CWC27: variants seen among roughly 807,000 people sequenced by gnomAD.
CWC27 encodes spliceosome-associated protein CWC27 homolog.
A neutral mutation model predicts 63.6 loss-of-function variants in CWC27; 47 were observed. The observed-to-expected ratio is 0.74, with a 90% confidence interval of 0.58 to 0.94. The LOEUF is 0.94. CWC27 is among the 40% of genes least tolerant of loss of function. CWC27 has a pLI of 0.00. For missense variants in CWC27, 495 were observed against 554.3 expected, an observed-to-expected ratio of 0.89 and a Z score of 1.07; for synonymous variants, 175 against 179.8, an observed-to-expected ratio of 0.97 and a Z score of 0.22.
intron 10 of CWC27, among the ~76,000 whole-genome samples, chr5:64,845,770 T>C (rs1745961195): frequency 6.6e-6 from 1 of 152,134 alleles, no homozygotes; most frequent in Non-Finnish European, 1.5e-5. Flanking sequence ...CTTTGCATAC[T>C]AGGATTTGCA....
At chr5:64,788,827 T>C in intron 6 of CWC27, 124 bp from the exon 7 acceptor site, 1 of 641,418 alleles carries the variant, frequency 1.6e-6, no homozygotes, top group Non-Finnish European at 2.7e-6. Context: ...ATATGGTCTT[T>C]TTTAGAACAG....
rs772707775 is a variant in CWC27, at chr5:64,774,682, T to C, written c.43-9T>C. 6.7e-7 allele frequency: 1 copy of C among 1,489,386 alleles called. No homozygotes were observed. Among genetic ancestry groups the C allele is most frequent in the South Asian group, 1.3e-5 (1 of 78,192 alleles). The allele number at this position is 1,489,386 out of a possible 1,614,324, so 92.3% of individuals were successfully genotyped here. On this transcript the variant is annotated splice_polypyrimidine_tract_variant and intron_variant, in intron 1 of 13. Coordinates refer to ENST00000381070, the MANE Select transcript of CWC27 (RefSeq NM_005869.4). ...AATAATTTAATAAAATGTAATATTC[T>C]TTCTACAGGTTTTATTGAAAACTAC...
At chr5:64,902,851 G>A (rs1420196059) in intron 11 of CWC27, among the ~76,000 whole-genome samples, 12 of 152,194 alleles carry the variant, frequency 7.9e-5, no homozygotes, top group Admixed American at 7.9e-4. Context: ...ACCCATGAGT[G>A]TGTTACATCT....
intron 10 of CWC27, among the ~76,000 whole-genome samples, chr5:64,815,739 C>T (rs2112236549): frequency 6.6e-6 from 1 of 152,114 alleles, no homozygotes; most frequent in African/African-American, 2.4e-5. Flanking sequence ...TCTAGAAGTA[C>T]AAAATTCTAA....
chr5:64,841,198 C>G (rs924114569), intron 10 of CWC27, among the ~76,000 whole-genome samples: 2 of 152,076 alleles, frequency 1.3e-5, no homozygotes, highest in Non-Finnish European at 2.9e-5. Context: ...GCTTTGTTAG[C>G]CCATGGTAGG....
chr5:64,885,336 T>C, intron 10 of CWC27, 107 bp from the exon 11 acceptor site: 2 of 666,850 alleles, frequency 3.0e-6, no homozygotes, highest in Non-Finnish European at 5.0e-6. Flanking sequence ...TGAATTACAT[T>C]ATTCACTTTA....
intron 13 of CWC27, among the ~76,000 whole-genome samples, chr5:65,013,128 A>T (rs1749991127): frequency 6.6e-6 from 1 of 152,238 alleles, no homozygotes; most frequent in East Asian, 1.9e-4. Flanking sequence ...GGATAAGAAC[A>T]TAAGGCATGT....
intron 11 of CWC27, among the ~76,000 whole-genome samples, chr5:64,935,930 G>A (rs1301996316): frequency 6.6e-6 from 1 of 152,170 alleles, no homozygotes; most frequent in Non-Finnish European, 1.5e-5. Context: ...TAATACTTGT[G>A]ATTTTTGCAC....
At chr5:64,834,269 C>G (rs1017267061) in intron 10 of CWC27, among the ~76,000 whole-genome samples, 1 of 151,592 alleles carries the variant, frequency 6.6e-6, no homozygotes, top group Non-Finnish European at 1.5e-5. Context: ...TAACTCTGCT[C>G]TTTTCTGATT....
At chr5:64,777,037 T>G (rs1007520265) in intron 2 of CWC27, among the ~76,000 whole-genome samples, 1 of 152,064 alleles carries the variant, frequency 6.6e-6, no homozygotes, top group Non-Finnish European at 1.5e-5. Flanking sequence ...TATAAAGGAA[T>G]GAAAGGGAAG....
chr5:64,917,310 G>A (rs1747909567), intron 11 of CWC27, among the ~76,000 whole-genome samples: 1 of 152,136 alleles, frequency 6.6e-6, no homozygotes. Context: ...AGAGCCTCTG[G>A]CATTAGTTGG....
intron 10 of CWC27, among the ~76,000 whole-genome samples, chr5:64,868,428 A>G (rs1466782586): frequency 6.6e-6 from 1 of 152,036 alleles, no homozygotes; most frequent in Non-Finnish European, 1.5e-5. Context: ...TTATCTCCTA[A>G]GTTTGTTTTC....
intron 11 of CWC27, among the ~76,000 whole-genome samples, chr5:64,910,848 A>G (rs1007274668): frequency 6.6e-6 from 1 of 152,218 alleles, no homozygotes; most frequent in Non-Finnish European, 1.5e-5. Context: ...TTTTCCAGGT[A>G]CAGTCTGTCA....
intron 7 of CWC27, among the ~76,000 whole-genome samples, chr5:64,792,017 C>G (rs1427092584): frequency 6.6e-6 from 1 of 151,922 alleles, no homozygotes; most frequent in Non-Finnish European, 1.5e-5. Context: ...TTCCCATCTC[C>G]CCTCTCTTCT....
intron 10 of CWC27, among the ~76,000 whole-genome samples, chr5:64,875,676 A>G (rs1243288250): frequency 6.6e-6 from 1 of 152,134 alleles, no homozygotes; most frequent in Non-Finnish European, 1.5e-5. Flanking sequence ...TGCATAGCAT[A>G]TATTTAATCT....
intron 11 of CWC27, among the ~76,000 whole-genome samples, chr5:64,888,515 ATTAT>A (rs1431053956): frequency 1.6e-5 from 2 of 124,796 alleles, no homozygotes; most frequent in African/African-American, 3.2e-5. Flanking sequence ...AGCATATATT[ATTAT>A]TTATTATTAT....
intron 11 of CWC27, among the ~76,000 whole-genome samples, chr5:64,926,129 C>G (rs991163623): frequency 1.3e-5 from 2 of 152,104 alleles, no homozygotes; most frequent in Non-Finnish European, 2.9e-5. Context: ...TTGCTACTTA[C>G]CACATTCTGC....
intron 10 of CWC27, among the ~76,000 whole-genome samples, chr5:64,840,597 T>C (rs1015481600): frequency 2.0e-5 from 3 of 151,628 alleles, no homozygotes; most frequent in African/African-American, 7.3e-5. Flanking sequence ...ATGCAAAAGA[T>C]AGCTATTAAT....
intron 11 of CWC27, among the ~76,000 whole-genome samples, chr5:64,934,411 G>C (rs1368016006): frequency 3.9e-5 from 6 of 152,136 alleles, no homozygotes; most frequent in African/African-American, 1.4e-4. Context: ...CTTCATCCAT[G>C]TCCCTGCAAA....
Sources: gnomAD v4.1 joint callset for allele counts (sites outside exome capture counted in the v4.1 genomes callset) on GRCh38, gnomAD v4.1.1 for gene constraint, MANE v1.5 for transcripts, NCBI Gene and HGNC (gene_info 2026-07-23, HGNC 2026-07-21) for gene names.